Variants in UBE2E2 observed in about 807,000 individuals in gnomAD.
The protein encoded by UBE2E2 is ubiquitin-conjugating enzyme E2 E2.
UBE2E2 carries 6 observed loss-of-function variants against 24.7 expected under a neutral mutation model. That is an observed-to-expected ratio of 0.24 (90% confidence interval 0.13 to 0.48). UBE2E2 has a LOEUF of 0.48. UBE2E2 is among the 20% of genes least tolerant of loss of function. UBE2E2 has a pLI of 0.99. For missense variants in UBE2E2, 169 were observed against 245.0 expected (o/e 0.69, Z 2.07); for synonymous variants, 104 against 83.6 (o/e 1.24, Z -1.33).
intron 5 of UBE2E2, among the ~76,000 whole-genome samples, chr3:23,585,957 C>T (rs959259074): frequency 6.6e-5 from 10 of 150,594 alleles, no homozygotes; most frequent in African/African-American, 2.2e-4. Context: ...TTTTATTTAC[C>T]ATTTATTAAG....
In UBE2E2 at chr3:23,306,918, A is replaced by G. The variant is rs184154194; in HGVS notation, c.227+89606A>G. ...TCTATTATTAAACATTAATTCAGCA[A>G]GAGATTAAGCAAATCTCAACTGATG... On this transcript the variant is annotated intron_variant, in intron 3 of 5. Coordinates refer to ENST00000396703, the MANE Select transcript of UBE2E2 (RefSeq NM_152653.4). Among the ~76,000 whole-genome samples the G allele has an allele frequency of 2.4e-3, 372 of 152,304 alleles. 1 individual carries two copies. The highest frequency in any genetic ancestry group is 3.4e-3 in the Non-Finnish European group (232 of 68,020).
At chr3:23,429,416 TG>T (rs1401099696) in intron 3 of UBE2E2, among the ~76,000 whole-genome samples, 2 of 152,152 alleles carry the variant, frequency 1.3e-5, no homozygotes, top group African/African-American at 4.8e-5. Context: ...TCCAACAGTG[TG>T]TAGAAACAAC....
intron 4 of UBE2E2, among the ~76,000 whole-genome samples, chr3:23,508,590 CCT>C (rs1464594150): frequency 6.6e-6 from 1 of 152,182 alleles, no homozygotes; most frequent in East Asian, 1.9e-4. Context: ...TTTGCACAAG[CCT>C]TGAAGAGGTG....
chr3:23,369,615 T>C (rs1483939189), intron 3 of UBE2E2, among the ~76,000 whole-genome samples: 1 of 152,196 alleles, frequency 6.6e-6, no homozygotes, highest in Non-Finnish European at 1.5e-5. Flanking sequence ...TCTTTGTATA[T>C]GCTCTTAGGA....
chr3:23,244,947 C>T (rs1042477605), intron 3 of UBE2E2, among the ~76,000 whole-genome samples: 2 of 152,064 alleles, frequency 1.3e-5, no homozygotes, highest in African/African-American at 4.8e-5. Flanking sequence ...AATTTGCAGT[C>T]GGGTTAATAC....
chr3:23,379,434 C>T (rs1032382654), intron 3 of UBE2E2, among the ~76,000 whole-genome samples: 1 of 145,086 alleles, frequency 6.9e-6, no homozygotes, highest in Non-Finnish European at 1.5e-5. Flanking sequence ...ATGATATTCC[C>T]CTTCCTGTGT....
intron 3 of UBE2E2, among the ~76,000 whole-genome samples, chr3:23,480,035 G>C (rs2125441334): frequency 6.6e-6 from 1 of 152,308 alleles, no homozygotes; most frequent in Non-Finnish European, 1.5e-5. Context: ...TGAAGGTGGA[G>C]TTTCACTGGG....
At chr3:23,293,151 A>G (rs1411075306) in intron 3 of UBE2E2, among the ~76,000 whole-genome samples, 1 of 152,238 alleles carries the variant, frequency 6.6e-6, no homozygotes, top group African/African-American at 2.4e-5. Context: ...TGCCAGTCAC[A>G]TAATAAGCAC....
intron 3 of UBE2E2, among the ~76,000 whole-genome samples, chr3:23,276,768 TGTG>T (rs769087931): frequency 6.6e-6 from 1 of 152,124 alleles, no homozygotes; most frequent in Non-Finnish European, 1.5e-5. Context: ...TATTTTATAT[TGTG>T]AGCATTTGTA....
intron 3 of UBE2E2, among the ~76,000 whole-genome samples, chr3:23,350,294 A>C (rs1341035439): frequency 6.6e-6 from 1 of 152,202 alleles, no homozygotes; most frequent in Non-Finnish European, 1.5e-5. Context: ...GAGAAAACAG[A>C]GCAGAAAAAC....
At chr3:23,217,907 T>C (rs1019896390) in intron 3 of UBE2E2, among the ~76,000 whole-genome samples, 5 of 152,146 alleles carry the variant, frequency 3.3e-5, no homozygotes, top group Non-Finnish European at 5.9e-5. Context: ...GTTAATGTTA[T>C]AAAGATACAT....
intron 5 of UBE2E2, among the ~76,000 whole-genome samples, chr3:23,564,658 G>A (rs1696022537): frequency 1.3e-5 from 2 of 152,246 alleles, no homozygotes; most frequent in Middle Eastern, 3.4e-3. Context: ...ATGATGTTGA[G>A]TTAGGGTCCT....
intron 3 of UBE2E2, among the ~76,000 whole-genome samples, chr3:23,358,637 A>T (rs908700574): frequency 2.0e-5 from 3 of 152,230 alleles, no homozygotes; most frequent in Admixed American, 6.5e-5. Context: ...ATAATTTATT[A>T]TATGGTTAAA....
At chr3:23,528,288 C>T (rs1477890979) in intron 4 of UBE2E2, among the ~76,000 whole-genome samples, 1 of 152,170 alleles carries the variant, frequency 6.6e-6, no homozygotes, top group Non-Finnish European at 1.5e-5. Flanking sequence ...CAAATTGGTA[C>T]ATCTATTACT....
At chr3:23,506,604 T>G (rs111839692) in intron 4 of UBE2E2, among the ~76,000 whole-genome samples, 3 of 152,306 alleles carry the variant, frequency 2.0e-5, no homozygotes, top group South Asian at 2.1e-4. Context: ...ATCTCCTATG[T>G]GGTCTTCCTG....
chr3:23,499,005 T>G (rs1487045713), intron 3 of UBE2E2, among the ~76,000 whole-genome samples: 1 of 152,206 alleles, frequency 6.6e-6, no homozygotes, highest in African/African-American at 2.4e-5. Context: ...AGGTACAACC[T>G]GTTCCTCAAG....
intron 3 of UBE2E2, among the ~76,000 whole-genome samples, chr3:23,369,994 G>A (rs981160612): frequency 9.9e-5 from 15 of 152,082 alleles, no homozygotes; most frequent in African/African-American, 3.1e-4. Flanking sequence ...ATATCCCCAT[G>A]TGGGAAATGG....
intron 3 of UBE2E2, among the ~76,000 whole-genome samples, chr3:23,318,848 C>G (rs1375169400): frequency 1.3e-5 from 2 of 152,146 alleles, no homozygotes; most frequent in Non-Finnish European, 2.9e-5. Context: ...CCAAAATTTA[C>G]AAGCAAGAAA....
chr3:23,295,527 T>C (rs911035695), intron 3 of UBE2E2, among the ~76,000 whole-genome samples: 2 of 152,112 alleles, frequency 1.3e-5, no homozygotes, highest in Non-Finnish European at 2.9e-5. Context: ...CTTACTATCA[T>C]GTGGGGAAAA....
Sources: allele counts gnomAD v4.1 joint callset (sites outside exome capture counted in the v4.1 genomes callset), GRCh38; gene constraint gnomAD v4.1.1; transcripts MANE v1.5; gene names NCBI Gene and HGNC (gene_info 2026-07-23, HGNC 2026-07-21).